Variants in SVIL observed in about 807,000 individuals in gnomAD.
SVIL encodes the protein supervillin.
A neutral mutation model predicts 240.4 loss-of-function variants in SVIL; 101 were observed. The observed-to-expected ratio is 0.42, with a 90% CI of 0.36 to 0.50. The LOEUF is 0.50. Among genes scored for constraint, SVIL ranks in the 20% least tolerant of loss-of-function variants. The pLI is 0.01. For missense variants in SVIL, 2,512 were observed against 2,818.7 expected, an observed-to-expected ratio of 0.89 and a Z score of 2.46; for synonymous variants, 999 against 1,100.0, an observed-to-expected ratio of 0.91 and a Z score of 1.82.
chr10:29,531,946 A>G, intron 9 of SVIL, 56 bp downstream of exon 9: 1 of 1,590,186 alleles, frequency 6.3e-7, no homozygotes, highest in Non-Finnish European at 8.6e-7. Flanking sequence ...GTGTGGTAAA[A>G]CTCCTGTGTC....
intron 6 of SVIL, among the ~76,000 whole-genome samples, chr10:29,540,667 A>T (rs2132600142): frequency 6.6e-6 from 1 of 152,220 alleles, no homozygotes; most frequent in African/African-American, 2.4e-5. Flanking sequence ...TGAGGTTGGG[A>T]TGCCAGTGTT....
chr10:29,722,588 A>G (rs1964056944), intron 1 of SVIL, among the ~76,000 whole-genome samples: 1 of 152,216 alleles, frequency 6.6e-6, no homozygotes, highest in Non-Finnish European at 1.5e-5. Flanking sequence ...GGCCTTTGGA[A>G]GTTGTGCACA....
intron 1 of SVIL, among the ~76,000 whole-genome samples, chr10:29,570,881 A>G (rs897573284): frequency 5.3e-5 from 8 of 152,232 alleles, no homozygotes; most frequent in African/African-American, 1.9e-4. Flanking sequence ...AACACAGGAG[A>G]ATACATAGGG....
intron 1 of SVIL, among the ~76,000 whole-genome samples, chr10:29,579,831 T>C (rs1430922876): frequency 6.6e-6 from 1 of 152,020 alleles, no homozygotes; most frequent in Non-Finnish European, 1.5e-5. Context: ...CAGCCAGCCA[T>C]TTCCCACCAG....
At chr10:29,632,849 AC>A (rs1485671936) in intron 1 of SVIL, among the ~76,000 whole-genome samples, 10 of 152,142 alleles carry the variant, frequency 6.6e-5, no homozygotes, top group African/African-American at 2.4e-4. Flanking sequence ...TAACACACAC[AC>A]ACACACACAC....
At chr10:29,683,849 T>C (rs564577043) in intron 2 of SVIL, among the ~76,000 whole-genome samples, 1 of 152,186 alleles carries the variant, frequency 6.6e-6, no homozygotes, top group East Asian at 1.9e-4. Flanking sequence ...GTGCTGCACT[T>C]CACCATGGAA....
At chr10:29,653,503 T>C (rs907914132) in intron 3 of SVIL, among the ~76,000 whole-genome samples, 92 of 152,332 alleles carry the variant, frequency 6.0e-4, no homozygotes, top group African/African-American at 2.1e-3. Flanking sequence ...GAGAATGGAC[T>C]AATGCATAGC....
At chr10:29,492,392 G>A (rs959662524) in intron 21 of SVIL, among the ~76,000 whole-genome samples, 4 of 152,152 alleles carry the variant, frequency 2.6e-5, no homozygotes, top group South Asian at 2.1e-4. Context: ...GCTGCCTGAC[G>A]GAGAGTGAGG....
intron 3 of SVIL, among the ~76,000 whole-genome samples, chr10:29,648,077 T>G (rs550333210): frequency 6.6e-6 from 1 of 151,288 alleles, no homozygotes; most frequent in Admixed American, 6.6e-5. Context: ...GTTTTCTCAA[T>G]GCAGCCACAT....
At chr10:29,710,614 T>C (rs1963210870) in intron 1 of SVIL, among the ~76,000 whole-genome samples, 2 of 152,154 alleles carry the variant, frequency 1.3e-5, no homozygotes, top group Admixed American at 1.3e-4. Flanking sequence ...GAAACTCTAG[T>C]AGCTTTCAAA....
chr10:29,569,567 C>A (rs571321964), intron 1 of SVIL, among the ~76,000 whole-genome samples: 1 of 152,142 alleles, frequency 6.6e-6, no homozygotes, highest in East Asian at 1.9e-4. Context: ...ATAATAACAA[C>A]AATAATAACA....
In SVIL at chr10:29,656,621, C is replaced by A. The variant is rs547264755; in HGVS notation, c.-201+1348G>T. Among the ~76,000 whole-genome samples the A allele has an allele frequency of 1.7e-3, 257 of 152,314 alleles. 2 individuals carry two copies. The highest frequency in any genetic ancestry group is 2.9e-3 in the South Asian group (14 of 4,828). ...TGAAACTCACCAGATCACATCCAGA[C>A]AATAAAATGTGGACGCTGATTCAAC... On this transcript the variant is annotated intron_variant, in intron 3 of 35. Transcript: ENST00000375400.
rs568385871 is a variant in SVIL at position 29,486,000 on chromosome 10, A to T, written c.4779+85T>A. 6.7e-6 allele frequency: 10 copies of T among 1,501,934 alleles called. No individual in the cohort carries two copies. The East Asian group carries it at 2.3e-4, about 34-fold the overall frequency. 93.0% of individuals were successfully genotyped at this position (1,501,934 alleles called of 1,614,324 possible). On this transcript the variant is annotated intron_variant, in intron 26 of 37. Transcript: ENST00000355867. ...CCGACACTGGCTAACCTTTATTGGG[A>T]ACTTACTCTCTAATCTATTGGGCAG...
chr10:29,528,621 C>G (rs1951110001), intron 12 of SVIL, among the ~76,000 whole-genome samples: 1 of 151,918 alleles, frequency 6.6e-6, no homozygotes, highest in Non-Finnish European at 1.5e-5. Flanking sequence ...GCCTACAGTC[C>G]CAACTACTTG....
Position 29,715,661 on chromosome 10 carries a change from T to C in SVIL, c.-400+20090A>G, listed in dbSNP as rs75334918. 7.0e-3 allele frequency among the ~76,000 whole-genome samples: 1,070 copies of C among 152,322 alleles called. 12 individuals are homozygous for C. The highest frequency in any genetic ancestry group is 0.049 in the East Asian group (253 of 5,184). On this transcript the variant is annotated intron_variant, in intron 1 of 35. Transcript: ENST00000375400. The stretch of plus-strand genomic sequence containing the variant: ...CCTAATGGCCTAGCACAGTGGGAAG[T>C]TGTCCAAGAGTCATGGTCATCAAGA...
intron 1 of SVIL, among the ~76,000 whole-genome samples, chr10:29,706,440 G>C (rs1317108610): frequency 5.3e-5 from 8 of 152,122 alleles, no homozygotes; most frequent in Admixed American, 5.2e-4. Flanking sequence ...TTTGTTGGCT[G>C]CATACATGTC....
chr10:29,640,477 C>T (rs1052635943), intron 3 of SVIL, among the ~76,000 whole-genome samples: 3 of 152,148 alleles, frequency 2.0e-5, no homozygotes, highest in African/African-American at 2.4e-5. Flanking sequence ...GAGTGAGCTC[C>T]GTCTGCCACA....
intron 2 of SVIL, among the ~76,000 whole-genome samples, chr10:29,667,911 G>A (rs549120529): frequency 3.3e-5 from 5 of 151,516 alleles, no homozygotes; most frequent in Non-Finnish European, 5.9e-5. Flanking sequence ...TTATATATGA[G>A]TTATATACCA....
intron 2 of SVIL, among the ~76,000 whole-genome samples, chr10:29,564,801 T>G (rs568451745): frequency 6.6e-6 from 1 of 152,212 alleles, no homozygotes; most frequent in Non-Finnish European, 1.5e-5. Context: ...AGAATAATTA[T>G]GCTTCATAAG....
Sources: allele counts gnomAD v4.1 joint callset (sites outside exome capture counted in the v4.1 genomes callset), GRCh38; gene constraint gnomAD v4.1.1; transcripts MANE v1.5; gene names NCBI Gene and HGNC (gene_info 2026-07-23, HGNC 2026-07-21).